Variants in KATNAL1 observed in about 807,000 individuals in gnomAD.
KATNAL1 encodes the protein katanin p60 ATPase-containing subunit A-like 1.
In KATNAL1, 32 loss-of-function variants were observed where a neutral mutation model predicts 55.2. The observed-to-expected ratio is 0.58, with a 90% CI of 0.44 to 0.78. KATNAL1 has a LOEUF of 0.78. Among genes scored for constraint, KATNAL1 ranks in the 30% least tolerant of loss-of-function variants. The pLI is 0.00. For synonymous variants in KATNAL1, 193 were observed against 193.6 expected (o/e 1.00, Z 0.02); for missense variants, 466 against 600.9 (o/e 0.78, Z 2.35).
chr13:30,215,063 A>C (rs950578350), intron 9 of KATNAL1, among the ~76,000 whole-genome samples: 3 of 151,376 alleles, frequency 2.0e-5, no homozygotes, highest in South Asian at 2.1e-4. Context: ...CAATGAACTC[A>C]AACAAATTTA....
intron 1 of KATNAL1, among the ~76,000 whole-genome samples, chr13:30,295,480 G>A (rs891948540): frequency 1.3e-5 from 2 of 152,214 alleles, no homozygotes; most frequent in South Asian, 2.1e-4. Flanking sequence ...AAACATAAAC[G>A]GGGTAGGGCA....
At position 30,262,537 on chromosome 13, in the gene KATNAL1, A is replaced by C. The variant is rs1344938878; in HGVS notation, c.324-6922T>G. On this transcript the variant is annotated intron_variant, in intron 3 of 10. Transcript: ENST00000380615. ...TGCAATAAAAAATGGTAAAGGGGAT[A>C]TCACCACCGATCCCACAGAAATACA... Among the ~76,000 whole-genome samples the C allele has an allele frequency of 2.0e-5, 3 of 152,228 alleles. No individual in the cohort carries two copies. In the East Asian group the frequency reaches 5.8e-4, roughly 29 times the overall value.
At chr13:30,294,375 G>A (rs1882339897) in intron 1 of KATNAL1, among the ~76,000 whole-genome samples, 1 of 152,236 alleles carries the variant, frequency 6.6e-6, no homozygotes, top group African/African-American at 2.4e-5. Context: ...CTGATATGGA[G>A]AAAGTGTGAG....
chr13:30,248,058 T>C (rs575823547), intron 4 of KATNAL1, among the ~76,000 whole-genome samples: 3 of 152,326 alleles, frequency 2.0e-5, no homozygotes, highest in South Asian at 2.1e-4. Flanking sequence ...AAACTTAAGA[T>C]AGTTCAATAA....
intron 1 of KATNAL1, among the ~76,000 whole-genome samples, chr13:30,289,512 C>A (rs1482388906): frequency 6.6e-6 from 1 of 151,996 alleles, no homozygotes; most frequent in Non-Finnish European, 1.5e-5. Context: ...TAAGATATTC[C>A]TTTTTATGTT....
intron 3 of KATNAL1, among the ~76,000 whole-genome samples, chr13:30,269,246 T>G (rs965481778): frequency 6.6e-6 from 1 of 152,218 alleles, no homozygotes. Context: ...CACGCCTGAC[T>G]GGTTTTCGTA....
chr13:30,226,611 C>T (rs1012590892), intron 9 of KATNAL1, among the ~76,000 whole-genome samples: 1 of 152,142 alleles, frequency 6.6e-6, no homozygotes, highest in Non-Finnish European at 1.5e-5. Flanking sequence ...CAGAACTTTA[C>T]AGGATGATAG....
intron 3 of KATNAL1, among the ~76,000 whole-genome samples, chr13:30,266,063 G>A (rs1291450322): frequency 6.7e-6 from 1 of 149,602 alleles, no homozygotes; most frequent in African/African-American, 2.5e-5. Context: ...CACCCAGGCT[G>A]GAGTGCAGTG....
At chr13:30,216,245 C>T (rs1333313865) in intron 9 of KATNAL1, among the ~76,000 whole-genome samples, 1 of 152,060 alleles carries the variant, frequency 6.6e-6, no homozygotes, top group Non-Finnish European at 1.5e-5. Context: ...AATACATTAT[C>T]TCCATAAAAG....
chr13:30,295,434 T>C (rs557714756), intron 1 of KATNAL1, among the ~76,000 whole-genome samples: 2 of 152,276 alleles, frequency 1.3e-5, no homozygotes, highest in Admixed American at 1.3e-4. Context: ...GAAGTGGAGC[T>C]TGTAGATGTG....
intron 3 of KATNAL1, among the ~76,000 whole-genome samples, chr13:30,262,206 C>T (rs1002596772): frequency 1.1e-4 from 17 of 151,286 alleles, no homozygotes; most frequent in African/African-American, 3.4e-4. Context: ...ATCTCTGGGA[C>T]GCATTCAAAG....
intron 8 of KATNAL1, among the ~76,000 whole-genome samples, 162 bp downstream of exon 8, chr13:30,230,306 T>C (rs1167431937): frequency 6.6e-6 from 1 of 152,202 alleles, no homozygotes; most frequent in East Asian, 1.9e-4. Flanking sequence ...CTCTAACAAG[T>C]ATGCAAGAAA....
At chr13:30,218,228 A>ATATATATAT in intron 9 of KATNAL1, among the ~76,000 whole-genome samples, 1 of 83,146 alleles carries the variant, frequency 1.2e-5, no homozygotes, top group Admixed American at 1.0e-4. Flanking sequence ...ATATATATAT[A>ATATATATAT]AAGGACCTGA....
At position 30,204,993 on chromosome 13, in the gene KATNAL1, G is replaced by T. The variant is rs1872978535; in HGVS notation, c.*3547C>A. 1 of 152,086 alleles carries T rather than the reference G, an allele frequency of 6.6e-6. No individual in the cohort carries two copies. Among genetic ancestry groups the T allele is most frequent in the Admixed American group, 6.6e-5 (1 of 15,266 alleles). 9.4% of individuals were successfully genotyped at this position (152,086 alleles called of 1,614,324 possible). On this transcript the variant is annotated 3_prime_UTR_variant, in exon 11 of 11. Coordinates refer to ENST00000380615, the MANE Select transcript of KATNAL1 (RefSeq NM_032116.5). ...CTAATATTAATTTCCTTTAAAAAAA[G>T]AAATTATGGGGGCAAAAGGTTTATA...
At chr13:30,247,892 C>T (rs1159371807) in intron 4 of KATNAL1, among the ~76,000 whole-genome samples, 1 of 152,094 alleles carries the variant, frequency 6.6e-6, no homozygotes, top group African/African-American at 2.4e-5. Flanking sequence ...CTGTAGTATA[C>T]AGAATGGCTA....
rs528430383 is a variant in KATNAL1 at position 30,222,008 on chromosome 13, G to A, written c.1147+5404C>T. On this transcript the variant is annotated intron_variant, in intron 9 of 10. Transcript: ENST00000380615. ...GGAGGTTGCAGTGAGGTAAGATTGC[G>A]CCATTGCCCTCCAGCCCGGGCAACA... Among the ~76,000 whole-genome samples the A allele has an allele frequency of 1.4e-3, 220 of 152,212 alleles. 1 individual carries two copies. The highest frequency in any genetic ancestry group is 4.8e-3 in the African/African-American group (200 of 41,522).
At chr13:30,250,998 C>T (rs886927037) in intron 4 of KATNAL1, among the ~76,000 whole-genome samples, 3 of 151,930 alleles carry the variant, frequency 2.0e-5, no homozygotes, top group Non-Finnish European at 2.9e-5. Flanking sequence ...AATAGCTGGG[C>T]GTGGTGGCGG....
chr13:30,239,372 T>G (rs183034125), intron 6 of KATNAL1, among the ~76,000 whole-genome samples: 1 of 152,116 alleles, frequency 6.6e-6, no homozygotes, highest in African/African-American at 2.4e-5. Context: ...ATCATGCCAC[T>G]GCACACCAGC....
chr13:30,256,967 C>G (rs1225465931), intron 3 of KATNAL1, among the ~76,000 whole-genome samples: 1 of 152,158 alleles, frequency 6.6e-6, no homozygotes, highest in Non-Finnish European at 1.5e-5. Flanking sequence ...AAGAAATCCT[C>G]AGGAAAGCAA....
Sources: allele counts gnomAD v4.1 joint callset (sites outside exome capture counted in the v4.1 genomes callset), GRCh38; gene constraint gnomAD v4.1.1; transcripts MANE v1.5; gene names NCBI Gene and HGNC (gene_info 2026-07-23, HGNC 2026-07-21).